Variants in IQGAP2 observed in about 807,000 individuals in gnomAD.
The protein encoded by IQGAP2 is ras GTPase-activating-like protein IQGAP2.
Under a neutral mutation model 201.3 loss-of-function variants are expected in IQGAP2, and 173 were observed. The ratio of observed to expected loss-of-function variants is 0.86; its 90% CI spans 0.76 to 0.98. IQGAP2 has a LOEUF of 0.98. Ranked by LOEUF, IQGAP2 falls within the 50% of genes least tolerant of loss-of-function variation. IQGAP2 has a pLI of 0.00. For missense variants in IQGAP2, 1,687 were observed against 1,864.8 expected (o/e 0.90, Z 1.76); for synonymous variants, 675 against 673.9 (o/e 1.00, Z -0.03).
rs147092951 is a variant in IQGAP2 at position 76,594,645 on chromosome 5, G to A, written c.907+1720G>A. Among the ~76,000 whole-genome samples, 4 of 152,234 alleles carry A rather than the reference G, an allele frequency of 2.6e-5. 1 individual carries two copies. The highest frequency in any genetic ancestry group is 2.9e-5 in the Non-Finnish European group (2 of 68,008). The stretch of plus-strand genomic sequence containing the variant: ...AAAAAAACCCTCATTTTGATGACAT[G>A]ACAATGAGACAATTGTACACTTTAA... On this transcript the variant is annotated intron_variant, in intron 9 of 35. Transcript: ENST00000274364.
intron 1 of IQGAP2, among the ~76,000 whole-genome samples, chr5:76,441,957 A>G (rs1254020964): frequency 1.3e-5 from 2 of 152,162 alleles, no homozygotes; most frequent in Non-Finnish European, 2.9e-5. Context: ...GAGCTGTTCT[A>G]CCTATAAAAT....
At chr5:76,615,446 T>G (rs938739130) in intron 13 of IQGAP2, 1 of 152,350 alleles carries the variant, frequency 6.6e-6, no homozygotes, top group African/African-American at 2.4e-5. Context: ...TTTACTTAAG[T>G]CTGATGAAAT....
chr5:76,618,285 A>G, intron 13 of IQGAP2: 2 of 1,614,246 alleles, frequency 1.2e-6, no homozygotes, highest in Non-Finnish European at 1.7e-6. Flanking sequence ...AACACAAAAA[A>G]GAAAATCTGC....
chr5:76,555,630 A>T lies in IQGAP2; in HGVS notation c.147-6766A>T, dbSNP rs551779927. Among the ~76,000 whole-genome samples, 6 of 152,346 alleles carry T rather than the reference A, an allele frequency of 3.9e-5. No individual in the cohort carries two copies. In the South Asian group the frequency reaches 1.2e-3, roughly 32 times the overall value. Reference sequence around the variant, plus strand: ...AACCGAGGCTGGCAATAGCAGTTTAATTCCTGCTCCTGTAAGGTTCAGTAG... The same window carrying T: ...AACCGAGGCTGGCAATAGCAGTTTATTTCCTGCTCCTGTAAGGTTCAGTAG... On this transcript the variant is annotated intron_variant, in intron 2 of 35. Coordinates refer to ENST00000274364, the MANE Select transcript of IQGAP2 (RefSeq NM_006633.5).
rs190547320 is a variant in IQGAP2 at position 76,477,829 on chromosome 5, A to C, written c.146+16160A>C. Among the ~76,000 whole-genome samples the C allele has an allele frequency of 1.2e-4, 19 of 152,172 alleles. No homozygotes were observed. The East Asian group carries it at 3.7e-3, about 29-fold the overall frequency. On this transcript the variant is annotated intron_variant, in intron 2 of 35. Transcript: ENST00000274364. The stretch of plus-strand genomic sequence containing the variant: ...ATCCTGACTCATGTGGGATCTTGCT[A>C]ATATGTGTGTTTGTGTCTTAGTTTA...
intron 2 of IQGAP2, among the ~76,000 whole-genome samples, chr5:76,522,650 C>T (rs761729554): frequency 2.6e-5 from 4 of 152,190 alleles, no homozygotes; most frequent in Non-Finnish European, 4.4e-5. Context: ...GAATTTACAA[C>T]GTGACAGTGT....
chr5:76,437,332 C>T (rs868259791), intron 1 of IQGAP2, among the ~76,000 whole-genome samples: 2 of 151,996 alleles, frequency 1.3e-5, no homozygotes, highest in South Asian at 2.1e-4. Context: ...GGATTATAGG[C>T]GTGAGCCACC....
intron 13 of IQGAP2, chr5:76,624,269 AG>A (rs1365288147): frequency 6.6e-6 from 1 of 152,166 alleles, no homozygotes; most frequent in Admixed American, 6.5e-5. Context: ...CTTAATATAC[AG>A]TAAAAAAATG....
intron 2 of IQGAP2, among the ~76,000 whole-genome samples, chr5:76,540,094 G>A (rs1346774967): frequency 1.3e-5 from 2 of 152,134 alleles, no homozygotes; most frequent in African/African-American, 4.8e-5. Context: ...GTTTTCTTCA[G>A]TTTCCCCCTC....
At chr5:76,673,693 G>A in intron 25 of IQGAP2, 104 bp downstream of exon 25, 1 of 1,207,050 alleles carries the variant, frequency 8.3e-7, no homozygotes, top group Non-Finnish European at 1.2e-6. Context: ...CCCTTATATT[G>A]TGTTTACTAT....
chr5:76,683,179 G>T lies in IQGAP2; in HGVS notation c.3725G>T (p.Gly1242Val). 1.2e-6 allele frequency: 2 copies of T among 1,611,874 alleles called. No individual in the cohort carries two copies. Among genetic ancestry groups the T allele is most frequent in the Non-Finnish European group, 1.7e-6 (2 of 1,178,984 alleles). ...AATGACTTACTGAGTGAATTGCTGG[G>T]GTCGCTGGGAGAGGTGCCAACCGTG... The part of the protein sequence containing the change: ...EKNDLLSELL[G>V]SLGEVPTVES... The change falls in exon 29 of 36, where the codon GGG (glycine) becomes GTG (valine). Residue 1242 changes from glycine to valine, a missense_variant. Transcript: ENST00000274364.
At chr5:76,653,659 A>G (rs563350827) in intron 18 of IQGAP2, among the ~76,000 whole-genome samples, 2 of 152,356 alleles carry the variant, frequency 1.3e-5, no homozygotes, top group African/African-American at 4.8e-5. Context: ...ACAGAGAATA[A>G]TGTGACCCAG....
At position 76,496,745 on chromosome 5, in the gene IQGAP2, C is replaced by CTTTCTTTCTTTCTTTCTTTCT. The variant is rs1561416314; in HGVS notation, c.146+35079_146+35099dup. 1.5e-3 allele frequency among the ~76,000 whole-genome samples: 77 copies of CTTTCTTTCTTTCTTTCTTTCT among 51,086 alleles called. 3 individuals are homozygous for CTTTCTTTCTTTCTTTCTTTCT. The highest frequency in any genetic ancestry group is 1.0e-2 in the Admixed American group (44 of 4,418). The allele number at this position is 51,086 out of a possible 152,430, so 33.5% of individuals were successfully genotyped here. A position where few individuals can be genotyped will look rare whatever the true frequency, so the allele number is the denominator to read the frequency against. Reference sequence around the variant, plus strand: ...CTTTCTTTTCTTTCTTTCTTTCTTTCTTTCTTTCTTTCTTTCTTTCTTTCT... The same window carrying CTTTCTTTCTTTCTTTCTTTCT: ...CTTTCTTTTCTTTCTTTCTTTCTTTCTTTCTTTCTTTCTTTCTTTCTTTTCTTTCTTTCTTTCTTTCTTTCT... On this transcript the variant is annotated intron_variant, in intron 2 of 35. Coordinates refer to ENST00000274364, the MANE Select transcript of IQGAP2 (RefSeq NM_006633.5).
chr5:76,523,619 A>G (rs1187751046), intron 2 of IQGAP2, among the ~76,000 whole-genome samples: 2 of 152,182 alleles, frequency 1.3e-5, no homozygotes, highest in Admixed American at 6.5e-5. Context: ...TTTCTGTCCA[A>G]TCAGCTATGC....
At chr5:76,685,999 G>A (rs1745705320) in intron 30 of IQGAP2, among the ~76,000 whole-genome samples, 1 of 152,198 alleles carries the variant, frequency 6.6e-6, no homozygotes, top group South Asian at 2.1e-4. Flanking sequence ...TTTGCCTGAA[G>A]ATATGAAGTC....
chr5:76,415,776 T>G (rs754177114), intron 1 of IQGAP2, among the ~76,000 whole-genome samples: 20 of 152,148 alleles, frequency 1.3e-4, no homozygotes, highest in Admixed American at 4.6e-4. Flanking sequence ...ACCCTGTCTC[T>G]ATTAAAAATA....
rs540744402 is a variant in IQGAP2 at position 76,667,877 on chromosome 5, C to CTTTTTTTTTTTTTTTT, written c.2680-796_2680-781dup. Among the ~76,000 whole-genome samples the CTTTTTTTTTTTTTTTT allele has an allele frequency of 2.6e-4, 32 of 123,418 alleles. 2 individuals are homozygous for CTTTTTTTTTTTTTTTT. Among genetic ancestry groups the CTTTTTTTTTTTTTTTT allele is most frequent in the African/African-American group, 9.7e-4 (31 of 31,894 alleles). The allele number at this position is 123,418 out of a possible 152,430, so 81.0% of individuals were successfully genotyped here. A position where few individuals can be genotyped will look rare whatever the true frequency, so the allele number is the denominator to read the frequency against. On this transcript the variant is annotated intron_variant, in intron 22 of 35. Transcript: ENST00000274364. ...TGTAGCCGGGCCCTTAGTCCACTTTCTTTTTTTTTTTTTTTTTTTTTTTGA... is the reference window on the plus strand; with the variant it reads ...TGTAGCCGGGCCCTTAGTCCACTTTCTTTTTTTTTTTTTTTTTTTTTTTTTTTTTTTTTTTTTTTGA...
intron 2 of IQGAP2, among the ~76,000 whole-genome samples, chr5:76,509,084 C>CGT (rs144641984): frequency 1.3e-5 from 2 of 150,702 alleles, no homozygotes; most frequent in Non-Finnish European, 3.0e-5. Flanking sequence ...TGCATGCTTG[C>CGT]GTGTGTGTGT....
At chr5:76,609,275 C>G in intron 12 of IQGAP2, 1 of 1,522,534 alleles carries the variant, frequency 6.6e-7, no homozygotes, top group Non-Finnish European at 8.8e-7. Context: ...GAGAATGGCA[C>G]TAAATATTCC....
Sources: allele counts gnomAD v4.1 joint callset (sites outside exome capture counted in the v4.1 genomes callset), GRCh38; gene constraint gnomAD v4.1.1; transcripts MANE v1.5; gene names NCBI Gene and HGNC (gene_info 2026-07-23, HGNC 2026-07-21).